The following ZDHHC3 variants were observed in gnomAD, a reference collection of about 807,000 sequenced individuals.
ZDHHC3 encodes the protein palmitoyltransferase ZDHHC3.
In ZDHHC3, 9 loss-of-function variants were observed where a neutral mutation model predicts 30.6. That is an observed-to-expected ratio of 0.29 (90% CI 0.18 to 0.51). The LOEUF (loss-of-function observed/expected upper bound fraction) is 0.51, where lower values mean the gene tolerates loss of function less well. Ranked by LOEUF, ZDHHC3 falls within the 20% of genes least tolerant of loss-of-function variation. The pLI is 0.97. For synonymous variants in ZDHHC3, 136 were observed against 140.2 expected (o/e 0.97, Z 0.21); for missense variants, 246 against 384.2 (o/e 0.64, Z 3.01).
intron 1 of ZDHHC3, among the ~76,000 whole-genome samples, chr3:44,972,505 G>A (rs1250523058): frequency 2.0e-5 from 3 of 152,140 alleles, no homozygotes; most frequent in Admixed American, 6.5e-5. Context: ...ACTCAGCATT[G>A]CCCTGAAGCT....
chr3:44,957,965 T>C (rs1704100101), intron 2 of ZDHHC3, among the ~76,000 whole-genome samples: 2 of 152,242 alleles, frequency 1.3e-5, no homozygotes, highest in Non-Finnish European at 2.9e-5. Context: ...CCTTAACTTA[T>C]TTTCAGCATG....
chr3:44,957,955 CCTTAA>C (rs1355331935), intron 2 of ZDHHC3, among the ~76,000 whole-genome samples: 3 of 152,210 alleles, frequency 2.0e-5, no homozygotes, highest in Non-Finnish European at 2.9e-5. Context: ...CTGAATAAAT[CCTTAA>C]CTTATTTTCA....
Position 44,937,860 on chromosome 3 carries a change from G to A in ZDHHC3, c.432-3876C>T, listed in dbSNP as rs1373779017. The A allele has an allele frequency of 8.5e-6, 4 of 469,152 alleles. 1 individual carries two copies. The highest frequency in any genetic ancestry group is 4.0e-5 in the African/African-American group (2 of 49,896). 29.1% of individuals were successfully genotyped at this position (469,152 alleles called of 1,614,324 possible). ...GAAGGGTCTGAGGCTTACAGTGAAA[G>A]TGACTATTCAGAAAAGATAGGCCCA... On this transcript the variant is annotated intron_variant, in intron 3 of 6. Coordinates refer to ENST00000424952, the MANE Select transcript of ZDHHC3 (RefSeq NM_001135179.2).
intron 3 of ZDHHC3, among the ~76,000 whole-genome samples, chr3:44,934,893 CAAAAA>C (rs886501187): frequency 1.7e-5 from 1 of 60,068 alleles, no homozygotes; most frequent in Non-Finnish European, 3.3e-5. Context: ...ACTCTGTCTC[CAAAAA>C]AAAAAAAAAA....
chr3:44,922,755 C>G lies in ZDHHC3; in HGVS notation c.*3934G>C, dbSNP rs901779749. The G allele has an allele frequency of 9.1e-6, 9 of 984,684 alleles. No individual in the cohort carries two copies. The highest frequency in any genetic ancestry group is 1.1e-5 in the Non-Finnish European group (9 of 829,430). The allele number at this position is 984,684 out of a possible 1,614,324, so 61.0% of individuals were successfully genotyped here. A position where few individuals can be genotyped will look rare whatever the true frequency, so the allele number is the denominator to read the frequency against. Reference sequence around the variant, plus strand: ...CCCGCTCGGTTTCTGGTTCGGTAGCCTGGGGTGGGGACCGAGAATGTGCAT... The same window carrying G: ...CCCGCTCGGTTTCTGGTTCGGTAGCGTGGGGTGGGGACCGAGAATGTGCAT... On this transcript the variant is annotated 3_prime_UTR_variant, in exon 7 of 7. Coordinates refer to ENST00000424952, the MANE Select transcript of ZDHHC3 (RefSeq NM_001135179.2).
At chr3:44,949,967 C>G (rs1338514310) in intron 2 of ZDHHC3, among the ~76,000 whole-genome samples, 1 of 152,134 alleles carries the variant, frequency 6.6e-6, no homozygotes, top group Non-Finnish European at 1.5e-5. Context: ...GCCCAAGTAG[C>G]TGGAACTACC....
Position 44,975,941 on chromosome 3 carries a change from C to G in ZDHHC3, c.-33G>C. 1 of 260,016 alleles carries G rather than the reference C, an allele frequency of 3.8e-6. No homozygotes were observed. Among genetic ancestry groups the G allele is most frequent in the Non-Finnish European group, 7.2e-6 (1 of 138,536 alleles). The allele number at this position is 260,016 out of a possible 1,614,324, so 16.1% of individuals were successfully genotyped here. ...TTCCCTTCCCAACTGACCGTGAAGC[C>G]GGAGGCAGTTCCCCAGTCCCAGACC... On this transcript the variant is annotated 5_prime_UTR_variant, in exon 1 of 7. Transcript: ENST00000424952.
chr3:44,926,527 C>CT lies in ZDHHC3; in HGVS notation c.*161dup, dbSNP rs34221393. On this transcript the variant is annotated 3_prime_UTR_variant, in exon 7 of 7. Coordinates refer to ENST00000424952, the MANE Select transcript of ZDHHC3 (RefSeq NM_001135179.2). ...GTTTTTAAAAAATAAAATGTGGGGA[C>CT]TTTTTTTTTTCTCTGCAATGCTCAG... is the stretch of plus-strand genomic sequence containing the variant. 1,066 of 1,187,888 alleles carry CT rather than the reference C, an allele frequency of 9.0e-4. No individual in the cohort carries two copies. The highest frequency in any genetic ancestry group is 2.4e-3 in the East Asian group (69 of 28,638). 73.6% of individuals were successfully genotyped at this position (1,187,888 alleles called of 1,614,324 possible). A position where few individuals can be genotyped will look rare whatever the true frequency, so the allele number is the denominator to read the frequency against.
In ZDHHC3 at chr3:44,918,313, G is replaced by A; in HGVS notation, c.*8376C>T. ...TCTGTTGTGGCCCAGGTCACCCCCG[G>A]GAGGTCCCTCAGAGGACTGCTGGGG... is the stretch of plus-strand genomic sequence containing the variant. On this transcript the variant is annotated 3_prime_UTR_variant, in exon 7 of 7. Transcript: ENST00000424952. 2.0e-6 allele frequency: 2 copies of A among 985,366 alleles called. No individual in the cohort carries two copies. Among genetic ancestry groups the A allele is most frequent in the South Asian group, 4.7e-5 (1 of 21,282 alleles). 61.0% of individuals were successfully genotyped at this position (985,366 alleles called of 1,614,324 possible). A position where few individuals can be genotyped will look rare whatever the true frequency, so the allele number is the denominator to read the frequency against.
chr3:44,915,760 A>AAC lies in ZDHHC3; in HGVS notation c.*10928_*10929insGT. 6.6e-6 allele frequency: 1 copy of AAC among 152,264 alleles called. No homozygotes were observed. Among genetic ancestry groups the AAC allele is most frequent in the Admixed American group, 6.5e-5 (1 of 15,290 alleles). The allele number at this position is 152,264 out of a possible 1,614,324, so 9.4% of individuals were successfully genotyped here. Reference sequence around the variant, plus strand: ...TCAAGGGCCATGTGGTTTTGCAGACACTGCTGTCCTCAGGCCTGAACTCAC... The same window carrying AAC: ...TCAAGGGCCATGTGGTTTTGCAGACAACCTGCTGTCCTCAGGCCTGAACTCAC... On this transcript the variant is annotated 3_prime_UTR_variant, in exon 7 of 7. Coordinates refer to ENST00000424952, the MANE Select transcript of ZDHHC3 (RefSeq NM_001135179.2).
chr3:44,952,038 C>T (rs1238460109), intron 2 of ZDHHC3, among the ~76,000 whole-genome samples: 1 of 152,200 alleles, frequency 6.6e-6, no homozygotes. Flanking sequence ...GATAATGCTC[C>T]AATCACAAGC....
intron 2 of ZDHHC3, among the ~76,000 whole-genome samples, chr3:44,946,967 G>A (rs1425499615): frequency 6.6e-6 from 1 of 152,178 alleles, no homozygotes; most frequent in Non-Finnish European, 1.5e-5. Context: ...TATAAGAAGA[G>A]GGAGAGATGA....
chr3:44,955,831 G>A (rs1056151428), intron 2 of ZDHHC3, among the ~76,000 whole-genome samples: 17 of 152,290 alleles, frequency 1.1e-4, no homozygotes, highest in East Asian at 1.9e-4. Context: ...ATCATGTGCT[G>A]GGGATGGGCA....
intron 3 of ZDHHC3, among the ~76,000 whole-genome samples, chr3:44,938,923 C>T (rs1013331522): frequency 6.6e-6 from 1 of 152,244 alleles, no homozygotes; most frequent in African/African-American, 2.4e-5. Context: ...CCTGAGTCCG[C>T]TGAGCTACCT....
chr3:44,973,660 G>T (rs1255718997), intron 1 of ZDHHC3, among the ~76,000 whole-genome samples: 1 of 152,146 alleles, frequency 6.6e-6, no homozygotes, highest in Non-Finnish European at 1.5e-5. Flanking sequence ...GTTTCTCCAT[G>T]TTGGTCAGGC....
rs1700313780 is a variant in ZDHHC3 at position 44,918,085 on chromosome 3, G to C, written c.*8604C>G. 7.7e-7 allele frequency: 1 copy of C among 1,305,420 alleles called. No individual in the cohort carries two copies. 80.9% of individuals were successfully genotyped at this position (1,305,420 alleles called of 1,614,324 possible). ...GTCCCCACCAAAGGTCTCCTTTACT[G>C]ACTGCCAGCTCCCCATGTGCTCCCT... On this transcript the variant is annotated 3_prime_UTR_variant, in exon 7 of 7. Transcript: ENST00000424952.
At chr3:44,964,844 A>G (rs897807737) in intron 1 of ZDHHC3, among the ~76,000 whole-genome samples, 1 of 152,198 alleles carries the variant, frequency 6.6e-6, no homozygotes, top group Non-Finnish European at 1.5e-5. Context: ...TTTTTTGGCT[A>G]AGGGTTTTAT....
intron 1 of ZDHHC3, among the ~76,000 whole-genome samples, chr3:44,973,997 C>A (rs1705643773): frequency 1.3e-5 from 2 of 152,132 alleles, no homozygotes; most frequent in Non-Finnish European, 1.5e-5. Context: ...TGAATTACTT[C>A]AATACACTAA....
At chr3:44,934,181 C>T (rs1296770200) in intron 3 of ZDHHC3, among the ~76,000 whole-genome samples, 197 bp from the exon 4 acceptor site, 4 of 152,108 alleles carry the variant, frequency 2.6e-5, no homozygotes, top group East Asian at 1.9e-4. Context: ...TCATTCCAAA[C>T]GGGTACAGAG....
Sources: gnomAD v4.1 joint callset for allele counts (sites outside exome capture counted in the v4.1 genomes callset) on GRCh38, gnomAD v4.1.1 for gene constraint, MANE v1.5 for transcripts, NCBI Gene and HGNC (gene_info 2026-07-23, HGNC 2026-07-21) for gene names.